The following STRN variants were observed in gnomAD, a reference collection of about 807,000 sequenced individuals.
STRN encodes striatin.
STRN carries 53 observed loss-of-function variants against 96.3 expected under a neutral mutation model. The observed-to-expected ratio is 0.55, with a 90% CI of 0.44 to 0.69. The LOEUF (loss-of-function observed/expected upper bound fraction) is 0.69. Among genes scored for constraint, STRN ranks in the 30% least tolerant of loss-of-function variants. The probability of loss-of-function intolerance (pLI) is 0.00; values close to 1 mark genes in which losing one functional copy is unlikely to be tolerated. For missense variants in STRN, 987 were observed against 963.9 expected, an observed-to-expected ratio of 1.02 and a Z score of -0.32; for synonymous variants, 428 against 355.9, an observed-to-expected ratio of 1.20 and a Z score of -2.28.
chr2:36,866,983 GCC>G lies in STRN; in HGVS notation c.1547+829_1547+830del, dbSNP rs1215341412. On this transcript the variant is annotated intron_variant, in intron 12 of 17. Coordinates refer to ENST00000263918, the MANE Select transcript of STRN (RefSeq NM_003162.4). ...GGGTCTTGCTTCTTTAATGCAACTTGCCACTGTATGCCTTTTAATTGGGGCAT... is the reference window on the plus strand; with the variant it reads ...GGGTCTTGCTTCTTTAATGCAACTTGACTGTATGCCTTTTAATTGGGGCAT... 2.2e-3 allele frequency among the ~76,000 whole-genome samples: 330 copies of G among 152,220 alleles called. 5 individuals carry two copies. The highest frequency in any genetic ancestry group is 7.6e-3 in the African/African-American group (317 of 41,532).
rs1028787619 is a variant in STRN, at chr2:36,845,686, G to A, written c.*3770C>T. On this transcript the variant is annotated 3_prime_UTR_variant, in exon 18 of 18. Transcript: ENST00000263918. Reference sequence around the variant, plus strand: ...GAACAAATAATTTCTCCTTCTACCTGAACTTTACTATAATTAAAGAATAGC... The same window carrying A: ...GAACAAATAATTTCTCCTTCTACCTAAACTTTACTATAATTAAAGAATAGC... The A allele has an allele frequency of 1.3e-5, 2 of 151,934 alleles. No individual in the cohort carries two copies. Among genetic ancestry groups the A allele is most frequent in the African/African-American group, 4.8e-5 (2 of 41,338 alleles). The allele number at this position is 151,934 out of a possible 1,614,324, so 9.4% of individuals were successfully genotyped here.
At chr2:36,868,373 T>C (rs1040526402) in intron 11 of STRN, among the ~76,000 whole-genome samples, 2 of 152,212 alleles carry the variant, frequency 1.3e-5, no homozygotes, top group African/African-American at 4.8e-5. Context: ...TTTATTTCCT[T>C]GCCTTTCCAA....
chr2:36,855,338 C>T lies in STRN; in HGVS notation c.1852G>A (p.Ala618Thr). ...TCACTGCTCACTAGATCCACAGAGG[C>T]AGGGATTCCCAGTTCTGAAAGAGAA... Reference protein sequence around the residue: ...FNDTKELGIPASVDLVSSDPS... With the variant: ...FNDTKELGIPTSVDLVSSDPS... Residue 618 changes from alanine to threonine, a missense_variant, in exon 15 of 18, where the codon GCC becomes ACC. Transcript: ENST00000263918. 1 of 1,612,632 alleles carries T rather than the reference C, an allele frequency of 6.2e-7. No individual in the cohort carries two copies. Among genetic ancestry groups the T allele is most frequent in the Non-Finnish European group, 8.5e-7 (1 of 1,179,484 alleles).
chr2:36,913,847 G>A lies in STRN; in HGVS notation c.412+2231C>T, dbSNP rs370348414. 2.0e-5 allele frequency among the ~76,000 whole-genome samples: 3 copies of A among 152,204 alleles called. No homozygotes were observed. The East Asian group carries it at 5.8e-4, about 29-fold the overall frequency. On this transcript the variant is annotated intron_variant, in intron 3 of 17. Coordinates refer to ENST00000263918, the MANE Select transcript of STRN (RefSeq NM_003162.4). ...TTCCCAGAGTATTTCCTAGTTTACA[G>A]ATCAGGAATGGAGTAACCATAGAGA...
At chr2:36,925,239 T>G (rs1290775886) in intron 1 of STRN, 31 bp from the exon 2 acceptor site, 1 of 1,559,890 alleles carries the variant, frequency 6.4e-7, no homozygotes, top group Non-Finnish European at 8.7e-7. Context: ...AAAAATTCAG[T>G]TTAGACCAAA....
chr2:36,916,265 A>C (rs1670095840), intron 2 of STRN, 114 bp from the exon 3 acceptor site: 2 of 860,134 alleles, frequency 2.3e-6, no homozygotes, highest in Admixed American at 2.3e-5. Context: ...TAGAACTTTC[A>C]AAGGCTCATA....
chr2:36,932,449 C>A (rs1052904957), intron 1 of STRN, among the ~76,000 whole-genome samples: 4 of 152,196 alleles, frequency 2.6e-5, no homozygotes, highest in African/African-American at 9.7e-5. Context: ...GCCACCGCAC[C>A]CGGCCTAGTT....
chr2:36,961,459 C>T (rs1665028710), intron 1 of STRN, among the ~76,000 whole-genome samples: 1 of 152,078 alleles, frequency 6.6e-6, no homozygotes, highest in African/African-American at 2.4e-5. Context: ...CTTTGACTCC[C>T]CTTTTTCTCA....
intron 6 of STRN, among the ~76,000 whole-genome samples, chr2:36,898,449 T>C (rs1304122515): frequency 1.3e-5 from 2 of 152,224 alleles, no homozygotes; most frequent in Admixed American, 6.5e-5. Context: ...TATTGAATAG[T>C]CGTGATGGAA....
At chr2:36,878,166 G>T in intron 9 of STRN, 139 bp from the exon 10 acceptor site, 1 of 920,328 alleles carries the variant, frequency 1.1e-6, no homozygotes, top group Non-Finnish European at 1.6e-6. Flanking sequence ...ATAAAATTCA[G>T]TGAGCAGAAA....
intron 8 of STRN, among the ~76,000 whole-genome samples, chr2:36,885,457 T>C (rs1669194928): frequency 6.6e-6 from 1 of 152,178 alleles, no homozygotes; most frequent in Non-Finnish European, 1.5e-5. Flanking sequence ...CTTGTTAAGA[T>C]TAAATTGTCT....
At chr2:36,852,600 A>G (rs1668247783) in intron 15 of STRN, among the ~76,000 whole-genome samples, 1 of 152,218 alleles carries the variant, frequency 6.6e-6, no homozygotes, top group Non-Finnish European at 1.5e-5. Flanking sequence ...AAACTGCTAA[A>G]TATGTGTGAA....
At chr2:36,916,972 T>C (rs538175305) in intron 2 of STRN, among the ~76,000 whole-genome samples, 3 of 151,688 alleles carry the variant, frequency 2.0e-5, no homozygotes, top group East Asian at 3.9e-4. Context: ...CCCTAAAATA[T>C]TGAGGCCATT....
In STRN at chr2:36,845,632, CA is replaced by C. The variant is rs1668049277; in HGVS notation, c.*3823del. 1 of 151,954 alleles carries C rather than the reference CA, an allele frequency of 6.6e-6. No individual in the cohort carries two copies. Among genetic ancestry groups the C allele is most frequent in the South Asian group, 2.1e-4 (1 of 4,822 alleles). 9.4% of individuals were successfully genotyped at this position (151,954 alleles called of 1,614,324 possible). On this transcript the variant is annotated 3_prime_UTR_variant, in exon 18 of 18. Coordinates refer to ENST00000263918, the MANE Select transcript of STRN (RefSeq NM_003162.4). Reference sequence around the variant, plus strand: ...CTTTAAAAAATTACATTTACTTAGCCAACATTAATGAGATCCCATAATTTTG... The same window carrying C: ...CTTTAAAAAATTACATTTACTTAGCCACATTAATGAGATCCCATAATTTTG...
rs766401793 is a variant in STRN, at chr2:36,845,060, G to C, written c.*4396C>G. 7.2e-5 allele frequency: 11 copies of C among 152,010 alleles called. No homozygotes were observed. The highest frequency in any genetic ancestry group is 1.6e-4 in the Non-Finnish European group (11 of 67,974). 9.4% of individuals were successfully genotyped at this position (152,010 alleles called of 1,614,324 possible). A position where few individuals can be genotyped will look rare whatever the true frequency, so the allele number is the denominator to read the frequency against. On this transcript the variant is annotated 3_prime_UTR_variant, in exon 18 of 18. Coordinates refer to ENST00000263918, the MANE Select transcript of STRN (RefSeq NM_003162.4). The stretch of plus-strand genomic sequence containing the variant: ...CAACTTCTGAGTAAATAAAATGAAT[G>C]ATTATGTACTTAATAGCCTTGTAGT...
chr2:36,916,816 T>A (rs1670111197), intron 2 of STRN, among the ~76,000 whole-genome samples: 1 of 152,314 alleles, frequency 6.6e-6, no homozygotes, highest in South Asian at 2.1e-4. Flanking sequence ...ATCATTCTGG[T>A]TAATAGGATT....
intron 9 of STRN, among the ~76,000 whole-genome samples, chr2:36,880,112 C>T (rs1669029001): frequency 6.6e-6 from 1 of 152,176 alleles, no homozygotes; most frequent in South Asian, 2.1e-4. Flanking sequence ...AGATTACAGG[C>T]ACCTGCCACC....
chr2:36,914,919 G>A (rs1186074451), intron 3 of STRN, among the ~76,000 whole-genome samples: 13 of 151,974 alleles, frequency 8.6e-5, no homozygotes, highest in African/African-American at 2.9e-4. Flanking sequence ...ATATGCGGCC[G>A]GGCGTGGTGG....
chr2:36,866,509 AT>A (rs1668630500), intron 12 of STRN, among the ~76,000 whole-genome samples: 1 of 152,182 alleles, frequency 6.6e-6, no homozygotes. Flanking sequence ...AAGAATGTAT[AT>A]TCTGTTGTTT....
Sources: allele counts gnomAD v4.1 joint callset (sites outside exome capture counted in the v4.1 genomes callset), GRCh38; gene constraint gnomAD v4.1.1; transcripts MANE v1.5; gene names NCBI Gene and HGNC (gene_info 2026-07-23, HGNC 2026-07-21).